The following TPTE2 variants were observed in gnomAD, a reference collection of about 807,000 sequenced individuals.
The protein encoded by TPTE2 is phosphatidylinositol 3,4,5-trisphosphate 3-phosphatase TPTE2.
Under a neutral mutation model 78.6 loss-of-function variants are expected in TPTE2, and 53 were observed. The observed-to-expected ratio is 0.67, with a 90% CI of 0.54 to 0.85. TPTE2 has a LOEUF of 0.85. TPTE2 is among the 40% of genes least tolerant of loss of function. TPTE2 has a pLI of 0.00. For missense variants in TPTE2, 461 were observed against 623.0 expected (o/e 0.74, Z 2.77); for synonymous variants, 175 against 206.2 (o/e 0.85, Z 1.30).
chr13:19,560,948 T>C, the TPTE2 span: 13 of 1,598,216 alleles, frequency 8.1e-6, no homozygotes, highest in South Asian at 1.5e-4. Context: ...GATGGTCCTC[T>C]TGAAGAAGGC....
intron 1 of TPTE2, among the ~76,000 whole-genome samples, chr13:19,495,410 A>T (rs1881243329): frequency 1.3e-5 from 2 of 152,176 alleles, no homozygotes; most frequent in African/African-American, 4.8e-5. Context: ...CTTGGTCCAC[A>T]CTACTAGCAC....
At chr13:19,550,962 C>T in the TPTE2 span, among the ~76,000 whole-genome samples, 2,383 of 152,090 alleles carry the variant, frequency 0.016, 68 homozygotes, top group African/African-American at 0.055. Flanking sequence ...CAGCCTAATA[C>T]TGGGTTTTCA....
chr13:19,525,514 A>G (rs1593419753), intron 1 of TPTE2, among the ~76,000 whole-genome samples: 2 of 152,186 alleles, frequency 1.3e-5, no homozygotes, highest in Non-Finnish European at 2.9e-5. Context: ...TTGAAACTGG[A>G]CCCCTTCCTT....
At chr13:19,503,958 G>A (rs896028405), upstream of TPTE2, among the ~76,000 whole-genome samples, 1 of 150,944 alleles carries the variant, frequency 6.6e-6, no homozygotes, top group African/African-American at 2.4e-5. Context: ...GCCAGGATGG[G>A]CTCGATCTCC....
intron 4 of TPTE2, 59 bp from the exon 8 acceptor site, chr13:19,475,682 C>CA (rs937586910): frequency 3.2e-6 from 5 of 1,538,716 alleles, no homozygotes; most frequent in African/African-American, 1.4e-5. Flanking sequence ...TAAATTTAAC[C>CA]AAAAAACAAA....
the TPTE2 span, among the ~76,000 whole-genome samples, chr13:19,550,837 C>G: frequency 6.6e-6 from 1 of 151,688 alleles, no homozygotes; most frequent in African/African-American, 2.4e-5. Flanking sequence ...ACTCTGTCGC[C>G]CTGGCTAGAG....
At chr13:19,438,650 T>C (rs1428055307) in intron 13 of TPTE2, among the ~76,000 whole-genome samples, 1 of 152,186 alleles carries the variant, frequency 6.6e-6, no homozygotes, top group Non-Finnish European at 1.5e-5. Flanking sequence ...CCAAGTGCCA[T>C]TTCTCTTAAG....
At chr13:19,427,085 T>C (rs933926755) in intron 17 of TPTE2, among the ~76,000 whole-genome samples, 2 of 124,824 alleles carry the variant, frequency 1.6e-5, no homozygotes, top group South Asian at 5.6e-4. Flanking sequence ...TTTTCTTTTT[T>C]TTTTTTTTTT....
intron 1 of TPTE2, among the ~76,000 whole-genome samples, chr13:19,508,722 T>G (rs999805352): frequency 1.3e-4 from 20 of 152,208 alleles, no homozygotes; most frequent in African/African-American, 4.8e-4. Flanking sequence ...TATGGAAATC[T>G]AAGAAGAAAT....
chr13:19,433,605 C>A (rs1876843306), intron 15 of TPTE2, among the ~76,000 whole-genome samples: 1 of 152,170 alleles, frequency 6.6e-6, no homozygotes, highest in East Asian at 1.9e-4. Context: ...CCATACTTCC[C>A]TTTAGAAAGG....
intron 10 of TPTE2, among the ~76,000 whole-genome samples, chr13:19,464,047 T>C (rs1243154076): frequency 1.3e-5 from 2 of 151,996 alleles, no homozygotes; most frequent in African/African-American, 4.8e-5. Context: ...GCCTTGGGCC[T>C]CGGGGGGGTG....
At chr13:19,444,626 C>T (rs4393427) in intron 13 of TPTE2, among the ~76,000 whole-genome samples, 16,196 of 152,048 alleles carry the variant, frequency 0.11, 1,002 homozygotes, top group Middle Eastern at 0.19. Flanking sequence ...AGATTCAATT[C>T]TCCCCAGTCT....
At chr13:19,549,511 G>A in the TPTE2 span, among the ~76,000 whole-genome samples, 1 of 151,978 alleles carries the variant, frequency 6.6e-6, no homozygotes, top group Non-Finnish European at 1.5e-5. Context: ...AACAGATGCT[G>A]GTGAGGTTGC....
At chr13:19,505,158 T>C (rs1177678429), upstream of TPTE2, among the ~76,000 whole-genome samples, 3 of 152,080 alleles carry the variant, frequency 2.0e-5, no homozygotes, top group Non-Finnish European at 2.9e-5. Flanking sequence ...GTATCCTTTT[T>C]TTTAGGCGGA....
At chr13:19,469,215 G>A (rs372619573) in intron 6 of TPTE2, among the ~76,000 whole-genome samples, 2 of 152,114 alleles carry the variant, frequency 1.3e-5, no homozygotes, top group East Asian at 1.9e-4. Flanking sequence ...TGAGAGGTAG[G>A]GGTCTAGGTG....
At chr13:19,441,133 G>A (rs1018261910) in intron 13 of TPTE2, among the ~76,000 whole-genome samples, 2 of 151,248 alleles carry the variant, frequency 1.3e-5, no homozygotes. Context: ...GGATGCAGCT[G>A]GAAGTCATTA....
upstream of TPTE2, among the ~76,000 whole-genome samples, chr13:19,540,407 C>T (rs1054668903): frequency 4.6e-5 from 7 of 151,680 alleles, no homozygotes; most frequent in African/African-American, 1.2e-4. Flanking sequence ...CAGGTTCAAG[C>T]GATCCTCCCA....
chr13:19,466,373 C>T (rs533735729), intron 7 of TPTE2, among the ~76,000 whole-genome samples: 38 of 152,328 alleles, frequency 2.5e-4, no homozygotes, highest in African/African-American at 9.1e-4. Context: ...AAAAGCCAAT[C>T]ACTTAACATG....
chr13:19,523,751 A>G (rs2137726132), intron 1 of TPTE2, among the ~76,000 whole-genome samples: 1 of 152,308 alleles, frequency 6.6e-6, no homozygotes, highest in Middle Eastern at 3.4e-3. Flanking sequence ...GATTACAGGC[A>G]TGAGCTACCA....
Sources: gnomAD v4.1 joint callset for allele counts (sites outside exome capture counted in the v4.1 genomes callset) on GRCh38, gnomAD v4.1.1 for gene constraint, MANE v1.5 for transcripts, NCBI Gene and HGNC (gene_info 2026-07-23, HGNC 2026-07-21) for gene names.